The following CDH13 variants were observed in gnomAD, a reference collection of about 807,000 sequenced individuals.
CDH13 encodes the protein cadherin-13.
CDH13 carries 24 observed loss-of-function variants against 63.8 expected under a neutral mutation model. That is an observed-to-expected ratio of 0.38 (90% CI 0.27 to 0.53). The LOEUF (loss-of-function observed/expected upper bound fraction) is 0.53, where lower values mean the gene tolerates loss of function less well. Among genes scored for constraint, CDH13 ranks in the 20% least tolerant of loss-of-function variants. The pLI is 0.85. For missense variants in CDH13, 1,049 were observed against 903.1 expected (o/e 1.16, Z -2.07); for synonymous variants, 503 against 355.3 (o/e 1.42, Z -4.67).
At chr16:83,355,208 G>T (rs781397223) in intron 6 of CDH13, among the ~76,000 whole-genome samples, 2 of 152,200 alleles carry the variant, frequency 1.3e-5, no homozygotes, top group Non-Finnish European at 2.9e-5. Flanking sequence ...TACGGAGATG[G>T]AGAGAAGAGA....
intron 10 of CDH13, among the ~76,000 whole-genome samples, chr16:83,679,596 T>C (rs191442863): frequency 6.6e-4 from 101 of 152,348 alleles, no homozygotes; most frequent in Admixed American, 1.5e-3. Flanking sequence ...TACCAAATCC[T>C]ATAATAATGT....
chr16:82,909,625 A>G (rs2041764788), intron 2 of CDH13, among the ~76,000 whole-genome samples: 1 of 152,138 alleles, frequency 6.6e-6, no homozygotes, highest in African/African-American at 2.4e-5. Flanking sequence ...GTGGCAGGCA[A>G]GAGAGCTCAT....
chr16:83,046,180 C>A (rs868863482), intron 3 of CDH13, among the ~76,000 whole-genome samples: 4 of 152,154 alleles, frequency 2.6e-5, no homozygotes, highest in African/African-American at 9.7e-5. Flanking sequence ...CTGGTCCATA[C>A]CCCTTAGAAG....
chr16:83,252,985 A>G (rs1481952386), intron 5 of CDH13, among the ~76,000 whole-genome samples: 3 of 152,252 alleles, frequency 2.0e-5, no homozygotes, highest in South Asian at 4.2e-4. Flanking sequence ...TCTCATCATT[A>G]TACCTATTTT....
At chr16:82,940,121 G>C (rs1006594371) in intron 2 of CDH13, among the ~76,000 whole-genome samples, 1 of 152,132 alleles carries the variant, frequency 6.6e-6, no homozygotes, top group South Asian at 2.1e-4. Context: ...TTCCCACCAG[G>C]TCCCTCCCAC....
chr16:83,707,794 G>T (rs1391898268), intron 10 of CDH13, among the ~76,000 whole-genome samples: 2 of 132,516 alleles, frequency 1.5e-5, no homozygotes, highest in Admixed American at 1.7e-4. Flanking sequence ...TGAAGTTAAA[G>T]TGAACTGAGT....
At position 83,487,234 on chromosome 16, in the gene CDH13, C is replaced by T. The variant is rs547496985; in HGVS notation, c.960+579C>T. 3.9e-5 allele frequency among the ~76,000 whole-genome samples: 6 copies of T among 152,356 alleles called. No homozygotes were observed. The South Asian group carries it at 1.2e-3, about 32-fold the overall frequency. On this transcript the variant is annotated intron_variant, in intron 7 of 13. Coordinates refer to ENST00000567109, the MANE Select transcript of CDH13 (RefSeq NM_001257.5). ...ACCCCTGGCCCAGTCAGTCCACATG[C>T]CTGCTCTTTCGTTTTGCCTGCAGTG...
chr16:83,486,543 G>C lies in CDH13; in HGVS notation c.848G>C (p.Arg283Pro). The C allele has an allele frequency of 6.2e-7, 1 of 1,613,790 alleles. No individual in the cohort carries two copies. The highest frequency in any genetic ancestry group is 8.5e-7 in the Non-Finnish European group (1 of 1,179,804). Residue 283 changes from arginine to proline, a missense_variant, in exon 7 of 14, where the codon CGG becomes CCG. Transcript: ENST00000567109. ...DDPATDNALL[R>P]YNIRQQTPDK... ...CCAGCCACCGATAATGCCCTCCTGC[G>C]GTATAATATCCGTCAGCAGACGCCT...
intron 1 of CDH13, among the ~76,000 whole-genome samples, chr16:82,719,005 T>G: frequency 6.6e-6 from 1 of 152,204 alleles, no homozygotes; most frequent in East Asian, 1.9e-4. Flanking sequence ...GCCTGTGCCT[T>G]GACATTTGTT....
intron 1 of CDH13, among the ~76,000 whole-genome samples, chr16:82,665,355 A>G (rs1912461375): frequency 6.6e-6 from 1 of 152,134 alleles, no homozygotes; most frequent in Non-Finnish European, 1.5e-5. Context: ...GCTGTGATAA[A>G]TTTTAAGTAA....
At chr16:82,806,606 C>G (rs1466438237) in intron 1 of CDH13, among the ~76,000 whole-genome samples, 1 of 152,080 alleles carries the variant, frequency 6.6e-6, no homozygotes, top group East Asian at 1.9e-4. Context: ...AATTCCTGCC[C>G]AAACTTTCAG....
At chr16:83,287,579 G>A (rs753200588) in intron 5 of CDH13, among the ~76,000 whole-genome samples, 2 of 152,194 alleles carry the variant, frequency 1.3e-5, no homozygotes, top group Non-Finnish European at 2.9e-5. Context: ...CTGATGGTCT[G>A]TCACTGTCTC....
chr16:83,223,142 G>A (rs533714772), intron 5 of CDH13, among the ~76,000 whole-genome samples: 22 of 152,176 alleles, frequency 1.4e-4, no homozygotes, highest in African/African-American at 5.1e-4. Context: ...CGGAGCCTGG[G>A]TATTTATAAA....
chr16:82,853,202 G>C (rs907488006), intron 1 of CDH13, among the ~76,000 whole-genome samples: 9 of 152,170 alleles, frequency 5.9e-5, no homozygotes, highest in African/African-American at 1.9e-4. Context: ...CTGATGTTCT[G>C]ATGGTGCAGC....
chr16:82,813,790 CTG>C (rs1243358493), intron 1 of CDH13, among the ~76,000 whole-genome samples: 3 of 152,204 alleles, frequency 2.0e-5, no homozygotes, highest in Non-Finnish European at 2.9e-5. Context: ...CCTTTACTAA[CTG>C]TGCCATTTTG....
intron 10 of CDH13, among the ~76,000 whole-genome samples, chr16:83,734,791 G>T (rs1185969560): frequency 6.6e-6 from 1 of 151,216 alleles, no homozygotes; most frequent in Non-Finnish European, 1.5e-5. Context: ...AAGAGAAGTT[G>T]GTCAGTAGGA....
At chr16:83,087,671 C>CAAAAAAAAAAAAAAAAAAAA (rs67228844) in intron 3 of CDH13, among the ~76,000 whole-genome samples, 1 of 44,000 alleles carries the variant, frequency 2.3e-5, no homozygotes, top group African/African-American at 8.7e-5. Flanking sequence ...CCCTCCGTCT[C>CAAAAAAAAAAAAAAAAAAAA]AAAAAAAAAA....
At chr16:83,449,120 T>C (rs112597901) in intron 6 of CDH13, among the ~76,000 whole-genome samples, 156 of 152,344 alleles carry the variant, frequency 1.0e-3, no homozygotes, top group African/African-American at 3.7e-3. Context: ...ACCTACGTTT[T>C]AAATGTCTTA....
rs1383819308 is a variant in CDH13 at position 83,669,461 on chromosome 16, G to A, written c.1102-1329G>A. On this transcript the variant is annotated intron_variant, in intron 8 of 13. Coordinates refer to ENST00000567109, the MANE Select transcript of CDH13 (RefSeq NM_001257.5). ...GGTAGACATTAAACAAGAATCACAC[G>A]AATCAGATCAAAATAATTGCACCCT... 4.6e-5 allele frequency among the ~76,000 whole-genome samples: 7 copies of A among 152,250 alleles called. No individual in the cohort carries two copies. In the East Asian group the frequency reaches 1.4e-3, roughly 29 times the overall value.
Sources: gnomAD v4.1 joint callset for allele counts (sites outside exome capture counted in the v4.1 genomes callset) on GRCh38, gnomAD v4.1.1 for gene constraint, MANE v1.5 for transcripts, NCBI Gene and HGNC (gene_info 2026-07-23, HGNC 2026-07-21) for gene names.